MTREX: variants seen among roughly 807,000 people sequenced by gnomAD.
MTREX encodes Mtr4 exosome RNA helicase.
MTREX carries 76 observed loss-of-function variants against 135.4 expected under a neutral mutation model. That is an observed-to-expected ratio of 0.56 (90% confidence interval 0.47 to 0.68). The LOEUF (loss-of-function observed/expected upper bound fraction) is 0.68, where lower values mean the gene tolerates loss of function less well. Ranked by LOEUF, MTREX falls within the 30% of genes least tolerant of loss-of-function variation. The pLI, the probability that MTREX is intolerant of heterozygous loss-of-function variation, is 0.00. For synonymous variants in MTREX, 404 were observed against 401.6 expected, an observed-to-expected ratio of 1.01 and a Z score of -0.07; for missense variants, 920 against 1,262.1, an observed-to-expected ratio of 0.73 and a Z score of 4.11.
At chr5:55,406,896 T>C (rs1024575198) in intron 22 of MTREX, among the ~76,000 whole-genome samples, 1 of 152,156 alleles carries the variant, frequency 6.6e-6, no homozygotes, top group Non-Finnish European at 1.5e-5. Context: ...TTCTAAAAAA[T>C]GTGTTCGTTA....
intron 14 of MTREX, among the ~76,000 whole-genome samples, chr5:55,354,280 G>A (rs1044232880): frequency 6.6e-6 from 1 of 152,170 alleles, no homozygotes; most frequent in Non-Finnish European, 1.5e-5. Flanking sequence ...TGGGGGTCAG[G>A]GAATGCTTCA....
intron 5 of MTREX, among the ~76,000 whole-genome samples, chr5:55,333,137 C>T (rs540910595): frequency 1.3e-5 from 2 of 152,262 alleles, no homozygotes; most frequent in East Asian, 3.9e-4. Flanking sequence ...CCTTCCAGAC[C>T]TTGGCTTAGC....
intron 16 of MTREX, among the ~76,000 whole-genome samples, chr5:55,370,582 C>T (rs1167479013): frequency 6.6e-6 from 1 of 152,114 alleles, no homozygotes; most frequent in Admixed American, 6.6e-5. Flanking sequence ...TTTCTAACTT[C>T]CTGAAACCAG....
rs747191668 is a variant in MTREX at position 55,425,309 on chromosome 5, T to C, written c.*537T>C. Reference sequence around the variant, plus strand: ...TCTTTCTTTAAAAGAAGTTCTTTCTTTGAAGAAATCCGATACATATACAGC... The same window carrying C: ...TCTTTCTTTAAAAGAAGTTCTTTCTCTGAAGAAATCCGATACATATACAGC... On this transcript the variant is annotated 3_prime_UTR_variant, in exon 27 of 27. Coordinates refer to ENST00000230640, the MANE Select transcript of MTREX (RefSeq NM_015360.5). The C allele has an allele frequency of 1.2e-6, 2 of 1,608,084 alleles. No homozygotes were observed. The highest frequency in any genetic ancestry group is 3.3e-5 in the Admixed American group (2 of 59,792).
At chr5:55,338,339 C>T (rs1000395506) in intron 5 of MTREX, among the ~76,000 whole-genome samples, 3 of 152,016 alleles carry the variant, frequency 2.0e-5, no homozygotes, top group African/African-American at 7.2e-5. Flanking sequence ...GATATCATTT[C>T]ATTCTACTCC....
Position 55,344,518 on chromosome 5 carries a change from A to G in MTREX, c.907-4A>G. The stretch of plus-strand genomic sequence containing the variant: ...TTTGTATGTTTAATTCTTTCTTTTT[A>G]CAGCCTTGTCATGTTATTTACACAG... On this transcript the variant is annotated splice_region_variant and splice_polypyrimidine_tract_variant and intron_variant, in intron 8 of 26. Transcript: ENST00000230640. 1.3e-6 allele frequency: 2 copies of G among 1,591,440 alleles called. No individual in the cohort carries two copies. Among genetic ancestry groups the G allele is most frequent in the East Asian group, 4.5e-5 (2 of 44,622 alleles).
At chr5:55,361,438 A>G (rs1037614052) in intron 15 of MTREX, among the ~76,000 whole-genome samples, 2 of 152,172 alleles carry the variant, frequency 1.3e-5, no homozygotes, top group African/African-American at 4.8e-5. Flanking sequence ...TCATACACAC[A>G]CACATATTTA....
chr5:55,420,184 T>C (rs1751031501), intron 25 of MTREX, among the ~76,000 whole-genome samples: 1 of 145,284 alleles, frequency 6.9e-6, no homozygotes, highest in Admixed American at 6.8e-5. Context: ...AGTTGCAAGA[T>C]ACATGTGTGA....
At chr5:55,359,734 G>A (rs1749978902) in intron 15 of MTREX, among the ~76,000 whole-genome samples, 1 of 152,120 alleles carries the variant, frequency 6.6e-6, no homozygotes, top group South Asian at 2.1e-4. Context: ...TATAGCACAT[G>A]CTATTTTTCT....
At chr5:55,423,294 A>T (rs902071375) in intron 26 of MTREX, 2 of 273,712 alleles carry the variant, frequency 7.3e-6, no homozygotes, top group Non-Finnish European at 1.4e-5. Flanking sequence ...GGAGATAGAC[A>T]ATAAGTCAAC....
In MTREX at chr5:55,340,511, CTTCAT is replaced by C. The variant is rs530629941; in HGVS notation, c.690+333_690+337del. Among the ~76,000 whole-genome samples the C allele has an allele frequency of 2.5e-3, 385 of 152,144 alleles. 1 individual carries two copies. Among genetic ancestry groups the C allele is most frequent in the African/African-American group, 8.7e-3 (359 of 41,480 alleles). ...ATTTGAATATATAGTAATAGTGACT[CTTCAT>C]TTCATGTGACTTTGCCGTCTTCTAT... is the stretch of plus-strand genomic sequence containing the variant. On this transcript the variant is annotated intron_variant, in intron 6 of 26. Coordinates refer to ENST00000230640, the MANE Select transcript of MTREX (RefSeq NM_015360.5).
At chr5:55,391,047 A>G (rs1750558238) in intron 19 of MTREX, among the ~76,000 whole-genome samples, 1 of 152,182 alleles carries the variant, frequency 6.6e-6, no homozygotes, top group Non-Finnish European at 1.5e-5. Flanking sequence ...ATTTCTTTAC[A>G]TGTCTCATAA....
At position 55,328,902 on chromosome 5, in the gene MTREX, G is replaced by A. The variant is rs1325053155; in HGVS notation, c.515+91G>A. On this transcript the variant is annotated intron_variant, in intron 5 of 26. Transcript: ENST00000230640. Reference sequence around the variant, plus strand: ...TGTTTGATTTCTGCTAGTGAAGATGGTTTTACTTGTCCCTTTTGAACAATT... The same window carrying A: ...TGTTTGATTTCTGCTAGTGAAGATGATTTTACTTGTCCCTTTTGAACAATT... 7.0e-6 allele frequency: 5 copies of A among 710,160 alleles called. No individual in the cohort carries two copies. In the South Asian group the frequency reaches 9.3e-5, roughly 13 times the overall value. 44.0% of individuals were successfully genotyped at this position (710,160 alleles called of 1,614,324 possible).
intron 5 of MTREX, among the ~76,000 whole-genome samples, chr5:55,336,145 A>G (rs1026597129): frequency 1.3e-5 from 2 of 152,264 alleles, no homozygotes; most frequent in East Asian, 1.9e-4. Context: ...ACTTTTTTGT[A>G]CATTCCATAA....
Position 55,308,095 on chromosome 5 carries a change from G to A in MTREX, c.82G>A (p.Glu28Lys), listed in dbSNP as rs202230684. ...TTAAGTKKDK[E>K]KDKGKWKGPP... ...TGCGGCGGGAACCAAAAAAGACAAGGAAAAGGACAAGGGGAAATGGAAGGG... is the reference window on the plus strand; with the variant it reads ...TGCGGCGGGAACCAAAAAAGACAAGAAAAAGGACAAGGGGAAATGGAAGGG... The change falls in exon 1 of 27, where the codon GAA becomes AAA. Residue 28 changes from glutamate to lysine, a missense_variant. Glu to Lys is a moderately conservative substitution (Grantham distance 56). Transcript: ENST00000230640. 4.3e-6 allele frequency: 7 copies of A among 1,613,996 alleles called. No individual in the cohort carries two copies. In the East Asian group the frequency reaches 1.6e-4, roughly 36 times the overall value.
chr5:55,425,113 T>C lies in MTREX; in HGVS notation c.*341T>C, dbSNP rs1751137426. The C allele has an allele frequency of 1.4e-6, 2 of 1,474,448 alleles. No individual in the cohort carries two copies. The highest frequency in any genetic ancestry group is 2.2e-5 in the Admixed American group (1 of 45,340). The allele number at this position is 1,474,448 out of a possible 1,614,324, so 91.3% of individuals were successfully genotyped here. A position where few individuals can be genotyped will look rare whatever the true frequency, so the allele number is the denominator to read the frequency against. On this transcript the variant is annotated 3_prime_UTR_variant, in exon 27 of 27. Transcript: ENST00000230640. ...GCAGCAGCAGAAGTCTTTAAAGGCTTGTACACCAGGAAGAAAGATGCATCC... is the reference window on the plus strand; with the variant it reads ...GCAGCAGCAGAAGTCTTTAAAGGCTCGTACACCAGGAAGAAAGATGCATCC...
rs182444437 is a variant in MTREX, at chr5:55,417,386, G to A, written c.2971+1254G>A. Reference sequence around the variant, plus strand: ...ACAGTTTGGCCAAGGTGATGTGAGGGCACGATGATTTAAACTCTGGTCTCT... The same window carrying A: ...ACAGTTTGGCCAAGGTGATGTGAGGACACGATGATTTAAACTCTGGTCTCT... On this transcript the variant is annotated intron_variant, in intron 25 of 26. Transcript: ENST00000230640. Among the ~76,000 whole-genome samples the A allele has an allele frequency of 3.3e-4, 51 of 152,254 alleles. No homozygotes were observed. In the South Asian group the frequency reaches 4.8e-3, roughly 14 times the overall value.
intron 5 of MTREX, among the ~76,000 whole-genome samples, chr5:55,333,281 C>CT (rs149105871): frequency 2.0e-5 from 3 of 152,286 alleles, no homozygotes; most frequent in South Asian, 4.1e-4. Context: ...TTATGGTTCT[C>CT]TATCACCCTA....
intron 3 of MTREX, among the ~76,000 whole-genome samples, chr5:55,326,339 G>A (rs530828547): frequency 1.4e-4 from 22 of 152,176 alleles, no homozygotes; most frequent in Non-Finnish European, 3.1e-4. Context: ...GGTGGAGGTT[G>A]CAGTGAGCTG....
Sources: gnomAD v4.1 joint callset for allele counts (sites outside exome capture counted in the v4.1 genomes callset) on GRCh38, gnomAD v4.1.1 for gene constraint, MANE v1.5 for transcripts, NCBI Gene and HGNC (gene_info 2026-07-23, HGNC 2026-07-21) for gene names.